SPDYA: variants seen among roughly 807,000 people sequenced by gnomAD.
SPDYA encodes speedy protein A.
SPDYA carries 11 observed loss-of-function variants against 36.7 expected under a neutral mutation model. The observed-to-expected ratio is 0.30, with a 90% CI of 0.19 to 0.50. SPDYA has a LOEUF of 0.50. SPDYA is among the 20% of genes least tolerant of loss of function. The probability of loss-of-function intolerance (pLI) is 0.98; values close to 1 mark genes in which losing one functional copy is unlikely to be tolerated. For missense variants in SPDYA, 287 were observed against 370.9 expected, an observed-to-expected ratio of 0.77 and a Z score of 1.86; for synonymous variants, 115 against 118.7, an observed-to-expected ratio of 0.97 and a Z score of 0.20.
At chr2:28,833,881 C>G (rs1214177325) in intron 6 of SPDYA, among the ~76,000 whole-genome samples, 1 of 151,912 alleles carries the variant, frequency 6.6e-6, no homozygotes, top group Non-Finnish European at 1.5e-5. Flanking sequence ...AAATTAAAAC[C>G]TTTTGTCCTT....
chr2:28,830,394 G>T (rs1266298224), intron 6 of SPDYA, among the ~76,000 whole-genome samples: 1 of 151,878 alleles, frequency 6.6e-6, no homozygotes, highest in African/African-American at 2.4e-5. Context: ...TAGTAGAGAC[G>T]GGGTTTCGCC....
At chr2:28,843,276 C>T (rs986534584) in intron 7 of SPDYA, among the ~76,000 whole-genome samples, 3 of 152,026 alleles carry the variant, frequency 2.0e-5, no homozygotes, top group East Asian at 1.9e-4. Flanking sequence ...GGGCCGGGCA[C>T]GGTGGCTTGT....
intron 5 of SPDYA, among the ~76,000 whole-genome samples, chr2:28,825,809 C>G (rs1481066956): frequency 6.6e-6 from 1 of 152,032 alleles, no homozygotes; most frequent in Non-Finnish European, 1.5e-5. Context: ...ATGATCTTGG[C>G]TCACTGCAAC....
intron 6 of SPDYA, among the ~76,000 whole-genome samples, chr2:28,831,945 T>C (rs1358022989): frequency 6.6e-6 from 1 of 152,232 alleles, no homozygotes; most frequent in East Asian, 1.9e-4. Context: ...ATTCCAGTAA[T>C]TGTCCCCTTT....
At chr2:28,818,038 A>C (rs1668032389) in intron 3 of SPDYA, among the ~76,000 whole-genome samples, 1 of 150,096 alleles carries the variant, frequency 6.7e-6, no homozygotes, top group Non-Finnish European at 1.5e-5. Context: ...ATGGTGGTGC[A>C]TACCTGTAGT....
intron 6 of SPDYA, 99 bp downstream of exon 6, chr2:28,829,418 T>G (rs1347601555): frequency 3.9e-5 from 23 of 591,966 alleles, no homozygotes; most frequent in African/African-American, 1.1e-4. Context: ...GTATTCTGGG[T>G]TTTTTTTTTT....
At chr2:28,840,150 A>G (rs768395517) in intron 6 of SPDYA, 22 bp from the exon 7 acceptor site, 1 of 1,592,204 alleles carries the variant, frequency 6.3e-7, no homozygotes. Context: ...CTAAAATTCT[A>G]AAAGTTAGCT....
chr2:28,826,880 G>A (rs563207731), intron 5 of SPDYA, among the ~76,000 whole-genome samples: 1 of 150,114 alleles, frequency 6.7e-6, no homozygotes, highest in Non-Finnish European at 1.5e-5. Context: ...GCCTTCTAAA[G>A]TGTTGGGATT....
chr2:28,824,625 C>A (rs1391452800), intron 5 of SPDYA, among the ~76,000 whole-genome samples: 1 of 140,780 alleles, frequency 7.1e-6, no homozygotes, highest in African/African-American at 2.7e-5. Context: ...CAGCTTGCTG[C>A]AACCTCCACC....
Position 28,816,266 on chromosome 2 carries a change from G to A in SPDYA, c.235+17G>A. On this transcript the variant is annotated intron_variant, in intron 3 of 7. Transcript: ENST00000334056. ...AATTATTTGGTAGGTTTAAAATATT[G>A]TAATAGTGGTAATTATAAAGTACTA... 6.6e-7 allele frequency: 1 copy of A among 1,514,334 alleles called. No individual in the cohort carries two copies. The highest frequency in any genetic ancestry group is 9.0e-7 in the Non-Finnish European group (1 of 1,113,126). The allele number at this position is 1,514,334 out of a possible 1,614,324, so 93.8% of individuals were successfully genotyped here. A position where few individuals can be genotyped will look rare whatever the true frequency, so the allele number is the denominator to read the frequency against.
chr2:28,826,416 C>G (rs112539132), intron 5 of SPDYA, among the ~76,000 whole-genome samples: 1 of 152,068 alleles, frequency 6.6e-6, no homozygotes, highest in Non-Finnish European at 1.5e-5. Context: ...GGATTACAGA[C>G]GTGAGCCACT....
intron 4 of SPDYA, among the ~76,000 whole-genome samples, chr2:28,819,607 A>T (rs938871303): frequency 3.3e-5 from 5 of 151,842 alleles, no homozygotes; most frequent in Non-Finnish European, 5.9e-5. Flanking sequence ...GAATTAGCAT[A>T]TAGCATAGAT....
rs1233066560 is a variant in SPDYA at position 28,819,034 on chromosome 2, A to G, written c.236-14A>G. On this transcript the variant is annotated splice_polypyrimidine_tract_variant and intron_variant, in intron 3 of 7. Coordinates refer to ENST00000334056, the MANE Select transcript of SPDYA (RefSeq NM_182756.4). ...TGTTTTTAAAAGACAAGTTATAGCT[A>G]TCTTTTGTTGTAGATGACGATTTAA... 1 of 1,597,146 alleles carries G rather than the reference A, an allele frequency of 6.3e-7. No individual in the cohort carries two copies. Among genetic ancestry groups the G allele is most frequent in the South Asian group, 1.1e-5 (1 of 89,478 alleles).
At chr2:28,827,635 T>C (rs1443371835) in intron 5 of SPDYA, among the ~76,000 whole-genome samples, 1 of 152,212 alleles carries the variant, frequency 6.6e-6, no homozygotes, top group Non-Finnish European at 1.5e-5. Context: ...GCCTGTGTTA[T>C]CTAATGGTTT....
intron 7 of SPDYA, among the ~76,000 whole-genome samples, chr2:28,845,265 CTTTTTTT>C (rs1362262400): frequency 1.9e-5 from 2 of 106,900 alleles, no homozygotes; most frequent in East Asian, 3.0e-4. Flanking sequence ...TTTTTTTTTT[CTTTTTTT>C]TTTTGTAGAG....
chr2:28,835,527 A>T (rs1294471059), intron 6 of SPDYA, among the ~76,000 whole-genome samples: 2 of 152,196 alleles, frequency 1.3e-5, no homozygotes, highest in Non-Finnish European at 2.9e-5. Context: ...ATGAGCGCCC[A>T]GCCTTATTTT....
intron 6 of SPDYA, among the ~76,000 whole-genome samples, chr2:28,838,348 A>T (rs1488696281): frequency 6.6e-6 from 1 of 151,676 alleles, no homozygotes; most frequent in African/African-American, 2.4e-5. Flanking sequence ...TGCCCAACTA[A>T]TTTTGTATTT....
intron 5 of SPDYA, among the ~76,000 whole-genome samples, chr2:28,825,950 GC>G: frequency 6.6e-6 from 1 of 151,618 alleles, no homozygotes; most frequent in African/African-American, 2.4e-5. Flanking sequence ...TTGCCATGTT[GC>G]CCAGACTGGT....
chr2:28,826,956 T>TC, intron 5 of SPDYA, among the ~76,000 whole-genome samples: 1 of 147,702 alleles, frequency 6.8e-6, no homozygotes, highest in East Asian at 2.0e-4. Context: ...TTTCTTTTTT[T>TC]TTTTTTTTTT....
Sources: allele counts gnomAD v4.1 joint callset (sites outside exome capture counted in the v4.1 genomes callset), GRCh38; gene constraint gnomAD v4.1.1; transcripts MANE v1.5; gene names NCBI Gene and HGNC (gene_info 2026-07-23, HGNC 2026-07-21).